SLC25A21: variants seen among roughly 807,000 people sequenced by gnomAD.
The protein encoded by SLC25A21 is solute carrier family 25 member 21, also known as mitochondrial 2-oxodicarboxylate carrier.
A neutral mutation model predicts 43.8 loss-of-function variants in SLC25A21; 47 were observed. The ratio of observed to expected loss-of-function variants is 1.07; its 90% CI spans 0.85 to 1.37. The LOEUF (loss-of-function observed/expected upper bound fraction) is 1.37. SLC25A21 is among the 40% of genes most tolerant of loss of function. The pLI is 0.00. For missense variants in SLC25A21, 352 were observed against 350.2 expected, an observed-to-expected ratio of 1.00 and a Z score of -0.04; for synonymous variants, 131 against 121.3, an observed-to-expected ratio of 1.08 and a Z score of -0.52.
chr14:36,969,657 TA>T (rs200945940), intron 1 of SLC25A21, among the ~76,000 whole-genome samples: 40 of 144,966 alleles, frequency 2.8e-4, no homozygotes, highest in South Asian at 4.4e-4. Flanking sequence ...CCTGGCTAAT[TA>T]AAAAAAAAAA....
chr14:36,999,378 TGGGGAGG>T (rs1490222919), intron 1 of SLC25A21, among the ~76,000 whole-genome samples: 1 of 152,094 alleles, frequency 6.6e-6, no homozygotes, highest in African/African-American at 2.4e-5. Context: ...AACTGGAGGT[TGGGGAGG>T]GATTAATTGG....
At chr14:36,727,452 C>T (rs1884647526) in intron 5 of SLC25A21, among the ~76,000 whole-genome samples, 1 of 152,140 alleles carries the variant, frequency 6.6e-6, no homozygotes, top group Admixed American at 6.5e-5. Flanking sequence ...CTTTGGGAGG[C>T]CAAGTTGGGT....
At chr14:37,058,690 G>T (rs1178388492) in intron 1 of SLC25A21, among the ~76,000 whole-genome samples, 1 of 152,156 alleles carries the variant, frequency 6.6e-6, no homozygotes, top group Non-Finnish European at 1.5e-5. Flanking sequence ...AATACCAAAT[G>T]AATTTGGGGA....
intron 1 of SLC25A21, among the ~76,000 whole-genome samples, chr14:37,167,613 T>G (rs1233395450): frequency 6.6e-6 from 1 of 152,106 alleles, no homozygotes; most frequent in Non-Finnish European, 1.5e-5. Context: ...GCCAAAAGAT[T>G]AGAAATTATG....
rs146998164 is a variant in SLC25A21, at chr14:37,155,271, C to A, written c.70+17010G>T. The stretch of plus-strand genomic sequence containing the variant: ...TTTTGAAGAGACTTGAAAGAATAAG[C>A]AAGGCTTCATGACATTTGGGGCAAC... On this transcript the variant is annotated intron_variant, in intron 1 of 9. Transcript: ENST00000331299. Among the ~76,000 whole-genome samples, 957 of 152,050 alleles carry A rather than the reference C, an allele frequency of 6.3e-3. 9 individuals carry two copies. Among genetic ancestry groups the A allele is most frequent in the African/African-American group, 0.02 (826 of 41,504 alleles).
intron 2 of SLC25A21, among the ~76,000 whole-genome samples, chr14:36,832,596 T>C (rs1206639346): frequency 6.6e-6 from 1 of 152,222 alleles, no homozygotes; most frequent in Non-Finnish European, 1.5e-5. Context: ...CTTTTCATGC[T>C]TTCTGCAGGC....
chr14:36,910,617 G>A (rs538035712), intron 1 of SLC25A21, among the ~76,000 whole-genome samples: 1 of 152,212 alleles, frequency 6.6e-6, no homozygotes, highest in South Asian at 2.1e-4. Context: ...TAACTTTGAG[G>A]TTATTACCTG....
At chr14:36,779,392 T>A (rs1283778922) in intron 3 of SLC25A21, among the ~76,000 whole-genome samples, 1 of 144,818 alleles carries the variant, frequency 6.9e-6, no homozygotes. Context: ...CACACATATA[T>A]GTAAGAATAA....
chr14:37,028,512 T>G (rs536611949), intron 1 of SLC25A21, among the ~76,000 whole-genome samples: 1 of 152,296 alleles, frequency 6.6e-6, no homozygotes, highest in South Asian at 2.1e-4. Context: ...CAGTATTTAT[T>G]TTTAAATAAT....
intron 1 of SLC25A21, among the ~76,000 whole-genome samples, chr14:37,041,058 G>A (rs1254769298): frequency 6.6e-6 from 1 of 152,122 alleles, no homozygotes; most frequent in Non-Finnish European, 1.5e-5. Context: ...TAGGCTTGCA[G>A]GAGGAAGAAG....
At chr14:37,165,160 T>C (rs140259948) in intron 1 of SLC25A21, among the ~76,000 whole-genome samples, 16,857 of 152,148 alleles carry the variant, frequency 0.11, 2,280 homozygotes, top group African/African-American at 0.32. Flanking sequence ...GCGGATCACT[T>C]GAGGTCAGGA....
At chr14:36,781,724 T>C (rs1287497761) in intron 3 of SLC25A21, among the ~76,000 whole-genome samples, 1 of 152,248 alleles carries the variant, frequency 6.6e-6, no homozygotes. Flanking sequence ...ATAGTTACTT[T>C]TATCACTTTT....
intron 1 of SLC25A21, among the ~76,000 whole-genome samples, chr14:37,054,918 A>G (rs1312073003): frequency 6.6e-6 from 1 of 152,244 alleles, no homozygotes; most frequent in Non-Finnish European, 1.5e-5. Context: ...AGAGTGAGAA[A>G]AAAATGCACA....
intron 1 of SLC25A21, among the ~76,000 whole-genome samples, chr14:37,049,593 T>C (rs954259184): frequency 6.6e-6 from 1 of 151,988 alleles, no homozygotes; most frequent in African/African-American, 2.4e-5. Context: ...GAATAACATA[T>C]CATAGAATTA....
intron 1 of SLC25A21, among the ~76,000 whole-genome samples, chr14:36,945,093 A>G (rs768782520): frequency 3.9e-5 from 6 of 152,082 alleles, no homozygotes; most frequent in Non-Finnish European, 7.4e-5. Context: ...TCAGATTATT[A>G]TTATTTTTAG....
intron 9 of SLC25A21, among the ~76,000 whole-genome samples, chr14:36,681,285 T>C (rs1420828154): frequency 6.6e-6 from 1 of 152,178 alleles, no homozygotes; most frequent in Non-Finnish European, 1.5e-5. Flanking sequence ...TAACCTTCAT[T>C]CCTTTTATCT....
At chr14:36,777,225 T>A (rs1173318100) in intron 3 of SLC25A21, among the ~76,000 whole-genome samples, 1 of 152,098 alleles carries the variant, frequency 6.6e-6, no homozygotes, top group Non-Finnish European at 1.5e-5. Context: ...GCCACTGCAC[T>A]TCCGCATGGG....
chr14:36,732,974 A>C (rs1389060011), intron 4 of SLC25A21, among the ~76,000 whole-genome samples: 1 of 152,200 alleles, frequency 6.6e-6, no homozygotes, highest in East Asian at 1.9e-4. Context: ...TCTGTTAACC[A>C]TTGTTCTGGC....
chr14:36,845,895 G>A (rs1889526299), intron 2 of SLC25A21, among the ~76,000 whole-genome samples: 1 of 152,148 alleles, frequency 6.6e-6, no homozygotes, highest in Admixed American at 6.5e-5. Flanking sequence ...TTATTATTCA[G>A]TTTACGGTTG....
Sources: gnomAD v4.1 joint callset for allele counts (sites outside exome capture counted in the v4.1 genomes callset) on GRCh38, gnomAD v4.1.1 for gene constraint, MANE v1.5 for transcripts, NCBI Gene and HGNC (gene_info 2026-07-23, HGNC 2026-07-21) for gene names.